PGPEP1L: variants seen among roughly 807,000 people sequenced by gnomAD.
PGPEP1L encodes the protein pyroglutamyl-peptidase I like, also known as pyroglutamyl-peptidase 1-like protein.
Under a neutral mutation model 6.0 loss-of-function variants are expected in PGPEP1L, and 7 were observed. The observed-to-expected ratio is 1.17, with a 90% CI of 0.66 to 2.19. The LOEUF (loss-of-function observed/expected upper bound fraction) is 2.19, where lower values mean the gene tolerates loss of function less well. PGPEP1L is among the 30% of genes most tolerant of loss of function. The pLI, the probability that PGPEP1L is intolerant of heterozygous loss-of-function variation, is 0.00. For synonymous variants in PGPEP1L, 103 were observed against 83.9 expected (o/e 1.23, Z -1.24); for missense variants, 209 against 192.5 (o/e 1.09, Z -0.51).
chr15:98,998,769 G>A (rs567961599), intron 2 of PGPEP1L, among the ~76,000 whole-genome samples: 4 of 152,306 alleles, frequency 2.6e-5, no homozygotes, highest in East Asian at 1.9e-4. Context: ...CCTGAGGTCA[G>A]GAGTTCGAGA....
At chr15:98,995,726 G>A (rs114899209) in intron 2 of PGPEP1L, among the ~76,000 whole-genome samples, 351 of 152,260 alleles carry the variant, frequency 2.3e-3, no homozygotes, top group African/African-American at 7.3e-3. Context: ...ATGGTTTTTA[G>A]TAGATGCAGA....
At chr15:98,995,852 G>C (rs147159382) in intron 2 of PGPEP1L, among the ~76,000 whole-genome samples, 331 of 152,156 alleles carry the variant, frequency 2.2e-3, no homozygotes, top group Non-Finnish European at 3.9e-3. Flanking sequence ...ACCTACCCTA[G>C]GAAACCATTA....
intron 2 of PGPEP1L, among the ~76,000 whole-genome samples, chr15:98,999,075 A>G (rs1479315389): frequency 6.6e-6 from 1 of 152,264 alleles, no homozygotes. Context: ...AGCAGGCTGC[A>G]TAACAGGAAT....
At position 98,981,043 on chromosome 15, in the gene PGPEP1L, T is replaced by C. The variant is rs994147595; in HGVS notation, c.-141-9885A>G. Among the ~76,000 whole-genome samples the C allele has an allele frequency of 2.4e-4, 37 of 152,276 alleles. 1 individual carries two copies. The highest frequency in any genetic ancestry group is 8.7e-4 in the African/African-American group (36 of 41,554). On this transcript the variant is annotated intron_variant, in intron 2 of 4. Coordinates refer to ENST00000535714, the MANE Select transcript of PGPEP1L (RefSeq NM_001167902.2). Reference sequence around the variant, plus strand: ...ACAGTGCTGTCACACTGATACTGTGTGCCCTTGATCTGACAGGATGAAAGT... The same window carrying C: ...ACAGTGCTGTCACACTGATACTGTGCGCCCTTGATCTGACAGGATGAAAGT...
At chr15:98,979,801 C>A (rs1008489607) in intron 2 of PGPEP1L, among the ~76,000 whole-genome samples, 1 of 151,994 alleles carries the variant, frequency 6.6e-6, no homozygotes, top group African/African-American at 2.4e-5. Flanking sequence ...AGGCGAGTGC[C>A]ACCACACCCG....
intron 1 of PGPEP1L, among the ~76,000 whole-genome samples, chr15:99,007,038 T>C (rs1362824126): frequency 6.6e-6 from 1 of 152,138 alleles, no homozygotes; most frequent in Admixed American, 6.5e-5. Flanking sequence ...TCCCTTTTAA[T>C]TGGGATCACC....
chr15:98,982,147 G>C (rs1487352111), intron 2 of PGPEP1L, among the ~76,000 whole-genome samples: 1 of 152,232 alleles, frequency 6.6e-6, no homozygotes, highest in Non-Finnish European at 1.5e-5. Context: ...GGAGCACGGT[G>C]TTTGTGGGGA....
intron 2 of PGPEP1L, among the ~76,000 whole-genome samples, chr15:98,987,032 T>G (rs1037448419): frequency 6.6e-6 from 1 of 151,630 alleles, no homozygotes; most frequent in African/African-American, 2.4e-5. Flanking sequence ...CTGGGTGTGG[T>G]GGCATGCACC....
intron 2 of PGPEP1L, among the ~76,000 whole-genome samples, chr15:98,994,789 A>T (rs2017865621): frequency 6.6e-6 from 1 of 152,172 alleles, no homozygotes; most frequent in Non-Finnish European, 1.5e-5. Context: ...TTGTTTTTAT[A>T]AAAATGTCTT....
intron 2 of PGPEP1L, among the ~76,000 whole-genome samples, chr15:98,989,635 A>AC (rs1190696764): frequency 6.6e-6 from 1 of 152,198 alleles, no homozygotes; most frequent in Admixed American, 6.5e-5. Context: ...AGAGAACACC[A>AC]CAAAGATACT....
chr15:98,986,560 G>C (rs1481189660), intron 2 of PGPEP1L, among the ~76,000 whole-genome samples: 1 of 152,212 alleles, frequency 6.6e-6, no homozygotes, highest in Non-Finnish European at 1.5e-5. Flanking sequence ...TGTAAGTATA[G>C]CACATTCTTG....
intron 2 of PGPEP1L, among the ~76,000 whole-genome samples, chr15:98,988,882 A>G (rs2017783734): frequency 6.6e-6 from 1 of 152,248 alleles, no homozygotes; most frequent in Non-Finnish European, 1.5e-5. Context: ...CCTGCAGTAG[A>G]GTGCCCTGAC....
chr15:98,996,570 A>C (rs989902723), intron 2 of PGPEP1L, among the ~76,000 whole-genome samples: 1 of 151,724 alleles, frequency 6.6e-6, no homozygotes, highest in Non-Finnish European at 1.5e-5. Flanking sequence ...ATGGGTGTGC[A>C]TGCATGTATT....
At chr15:98,978,050 G>C (rs1400192986) in intron 2 of PGPEP1L, among the ~76,000 whole-genome samples, 1 of 152,214 alleles carries the variant, frequency 6.6e-6, no homozygotes, top group Non-Finnish European at 1.5e-5. Context: ...TGTTGGCTGA[G>C]GGCTGCTGCC....
chr15:98,978,077 G>A (rs2017595416), intron 2 of PGPEP1L, among the ~76,000 whole-genome samples: 1 of 152,210 alleles, frequency 6.6e-6, no homozygotes, highest in South Asian at 2.1e-4. Flanking sequence ...GCATCTTGTG[G>A]CTCCCCAACC....
chr15:98,999,820 A>C (rs2017935135), intron 2 of PGPEP1L, among the ~76,000 whole-genome samples: 1 of 152,252 alleles, frequency 6.6e-6, no homozygotes, highest in Admixed American at 6.5e-5. Flanking sequence ...CACACAATGA[A>C]ATATTATTTG....
intron 1 of PGPEP1L, among the ~76,000 whole-genome samples, chr15:99,006,867 A>C (rs1378028572): frequency 6.6e-6 from 1 of 152,160 alleles, no homozygotes; most frequent in Non-Finnish European, 1.5e-5. Context: ...TAAGAGGAAG[A>C]AGACCCATGA....
chr15:98,979,633 CTT>C (rs568793204), intron 2 of PGPEP1L, among the ~76,000 whole-genome samples: 34 of 46,480 alleles, frequency 7.3e-4, no homozygotes, highest in African/African-American at 1.9e-3. Context: ...GGAGACTATT[CTT>C]TTTTTTTTTT....
intron 2 of PGPEP1L, among the ~76,000 whole-genome samples, chr15:98,978,010 T>A (rs1408067471): frequency 1.3e-5 from 2 of 152,124 alleles, no homozygotes; most frequent in Non-Finnish European, 2.9e-5. Flanking sequence ...GTCTTACAAG[T>A]GGGCAAAAAA....
Sources: gnomAD v4.1 joint callset for allele counts (sites outside exome capture counted in the v4.1 genomes callset) on GRCh38, gnomAD v4.1.1 for gene constraint, MANE v1.5 for transcripts, NCBI Gene and HGNC (gene_info 2026-07-23, HGNC 2026-07-21) for gene names.